Variants in KLF12 observed in about 807,000 individuals in gnomAD.
The protein encoded by KLF12 is KLF transcription factor 12, also known as Krueppel-like factor 12.
A neutral mutation model predicts 37.8 loss-of-function variants in KLF12; 9 were observed. That is an observed-to-expected ratio of 0.24 (90% CI 0.14 to 0.42). KLF12 has a LOEUF of 0.42. KLF12 is among the 10% of genes least tolerant of loss of function. The pLI is 1.00. For missense variants in KLF12, 411 were observed against 516.0 expected, an observed-to-expected ratio of 0.80 and a Z score of 1.97; for synonymous variants, 208 against 202.1, an observed-to-expected ratio of 1.03 and a Z score of -0.25.
chr13:73,803,772 T>TCACACACACA (rs4053528), intron 5 of KLF12, among the ~76,000 whole-genome samples: 35 of 142,056 alleles, frequency 2.5e-4, no homozygotes, highest in South Asian at 1.2e-3. Flanking sequence ...TACTGCAGAG[T>TCACACACACA]CACACACACA....
At chr13:74,056,807 C>T (rs1019543838) in intron 1 of KLF12, among the ~76,000 whole-genome samples, 1 of 152,182 alleles carries the variant, frequency 6.6e-6, no homozygotes, top group Non-Finnish European at 1.5e-5. Flanking sequence ...AGAGCCATGT[C>T]TGCCTTTTTT....
chr13:74,300,424 G>A, the KLF12 span, among the ~76,000 whole-genome samples: 2 of 152,128 alleles, frequency 1.3e-5, no homozygotes, highest in African/African-American at 4.8e-5. Flanking sequence ...GAAGGTCAAA[G>A]AGATTATATA....
chr13:74,202,898 G>C, the KLF12 span, among the ~76,000 whole-genome samples: 962 of 152,230 alleles, frequency 6.3e-3, 21 homozygotes, highest in East Asian at 0.037. Flanking sequence ...CGGTAGGAAA[G>C]GCTTGGGTGG....
intron 3 of KLF12, among the ~76,000 whole-genome samples, chr13:73,851,163 G>A (rs899626546): frequency 1.3e-5 from 2 of 152,172 alleles, no homozygotes; most frequent in South Asian, 4.1e-4. Context: ...ACAAGCAAAT[G>A]AGCAGAACTT....
intron 4 of KLF12, among the ~76,000 whole-genome samples, 159 bp from the exon 5 acceptor site, chr13:73,813,446 G>A (rs1883050287): frequency 6.6e-6 from 1 of 152,190 alleles, no homozygotes; most frequent in South Asian, 2.1e-4. Flanking sequence ...TATGTTCTGA[G>A]TACTTACTGA....
intron 1 of KLF12, among the ~76,000 whole-genome samples, chr13:74,020,612 T>A (rs1436181842): frequency 6.6e-6 from 1 of 152,100 alleles, no homozygotes; most frequent in Admixed American, 6.5e-5. Flanking sequence ...AATGGAAGGC[T>A]GGGCGCAGTG....
intron 2 of KLF12, among the ~76,000 whole-genome samples, chr13:73,970,783 G>C (rs544500553): frequency 1.3e-5 from 2 of 152,274 alleles, no homozygotes; most frequent in South Asian, 4.1e-4. Context: ...CAAATGTTTA[G>C]GTTCTTCAAT....
At chr13:74,189,677 G>T in the KLF12 span, among the ~76,000 whole-genome samples, 1 of 152,012 alleles carries the variant, frequency 6.6e-6, no homozygotes, top group Non-Finnish European at 1.5e-5. Flanking sequence ...GCTAATTTCT[G>T]GTGTATCTTT....
At chr13:73,898,427 G>A (rs1034712267) in intron 3 of KLF12, among the ~76,000 whole-genome samples, 4 of 152,160 alleles carry the variant, frequency 2.6e-5, no homozygotes, top group African/African-American at 4.8e-5. Flanking sequence ...TGAAGACAGA[G>A]ATAACCACTT....
chr13:74,139,053 G>GC, the KLF12 span, among the ~76,000 whole-genome samples: 1 of 152,064 alleles, frequency 6.6e-6, no homozygotes, highest in African/African-American at 2.4e-5. Flanking sequence ...TGCTTCAGCT[G>GC]CTGACTAGCT....
At chr13:73,782,554 A>T (rs1881032078) in intron 5 of KLF12, among the ~76,000 whole-genome samples, 1 of 152,226 alleles carries the variant, frequency 6.6e-6, no homozygotes, top group Admixed American at 6.5e-5. Flanking sequence ...TTAAAATAAG[A>T]AGTAACCAGA....
the KLF12 span, among the ~76,000 whole-genome samples, chr13:74,231,978 T>C: frequency 6.6e-6 from 1 of 152,168 alleles, no homozygotes; most frequent in Non-Finnish European, 1.5e-5. Flanking sequence ...AATTTAGTTT[T>C]GGGGGGTCTG....
At chr13:74,063,349 A>AGCT (rs1167997723) in intron 1 of KLF12, among the ~76,000 whole-genome samples, 1 of 152,222 alleles carries the variant, frequency 6.6e-6, no homozygotes, top group Non-Finnish European at 1.5e-5. Context: ...TGAACTAAAG[A>AGCT]GCTACCCTAA....
In KLF12 at chr13:73,846,289, A is replaced by ACGAGTCCTC. The variant is rs1369399076; in HGVS notation, c.199_207dup (p.Glu67_Ser69dup). 17 of 1,613,984 alleles carry ACGAGTCCTC rather than the reference A, an allele frequency of 1.1e-5. No individual in the cohort carries two copies. The highest frequency in any genetic ancestry group is 1.7e-5 in the Admixed American group (1 of 59,996). ...TGTGTTTGGAAGTGATCTACAGATA[A>ACGAGTCCTC]CGAGTCCTCCGGGGGCTCCCCTTTC... On this transcript the variant is annotated inframe_insertion, in exon 4 of 8. Transcript: ENST00000377669.
At chr13:73,973,129 A>C (rs1334602691) in intron 2 of KLF12, among the ~76,000 whole-genome samples, 2 of 152,214 alleles carry the variant, frequency 1.3e-5, no homozygotes, top group Non-Finnish European at 2.9e-5. Context: ...TGCCCCAGGA[A>C]ATGCATAAAA....
At chr13:73,866,211 C>T (rs950868777) in intron 3 of KLF12, among the ~76,000 whole-genome samples, 27 of 152,094 alleles carry the variant, frequency 1.8e-4, no homozygotes, top group South Asian at 4.1e-4. Context: ...GCTGAGATCA[C>T]GCCACTGCAC....
chr13:74,083,493 G>GACACACACACAC (rs61312097), intron 1 of KLF12, among the ~76,000 whole-genome samples: 7 of 136,420 alleles, frequency 5.1e-5, no homozygotes, highest in African/African-American at 1.7e-4. Flanking sequence ...GGCGATAGGA[G>GACACACACACAC]ACACACACAC....
intron 6 of KLF12, among the ~76,000 whole-genome samples, chr13:73,733,194 A>G (rs1877200877): frequency 6.6e-6 from 1 of 152,122 alleles, no homozygotes; most frequent in Admixed American, 6.6e-5. Flanking sequence ...TAAGTGTACA[A>G]TTCAGTGGCA....
intron 5 of KLF12, chr13:73,800,600 T>C (rs1392147799): frequency 6.6e-6 from 1 of 152,060 alleles, no homozygotes; most frequent in Non-Finnish European, 1.5e-5. Flanking sequence ...TTCACATTAA[T>C]TAAGATGCAG....
Sources: gnomAD v4.1 joint callset for allele counts (sites outside exome capture counted in the v4.1 genomes callset) on GRCh38, gnomAD v4.1.1 for gene constraint, MANE v1.5 for transcripts, NCBI Gene and HGNC (gene_info 2026-07-23, HGNC 2026-07-21) for gene names.